Variants in NDUFAF6 observed in about 807,000 individuals in gnomAD.
NDUFAF6 encodes NADH dehydrogenase (ubiquinone) complex I, assembly factor 6.
A neutral mutation model predicts 40.8 loss-of-function variants in NDUFAF6; 45 were observed. The observed-to-expected ratio is 1.10, with a 90% confidence interval of 0.87 to 1.42. NDUFAF6 has a LOEUF of 1.42. Among genes scored for constraint, NDUFAF6 ranks in the 40% most tolerant of loss-of-function variants. The pLI is 0.00. For missense variants in NDUFAF6, 435 were observed against 418.5 expected, an observed-to-expected ratio of 1.04 and a Z score of -0.34; for synonymous variants, 185 against 155.9, an observed-to-expected ratio of 1.19 and a Z score of -1.39.
intron 2 of NDUFAF6, among the ~76,000 whole-genome samples, chr8:94,987,004 T>C (rs1825944192): frequency 6.6e-6 from 1 of 152,206 alleles, no homozygotes; most frequent in South Asian, 2.1e-4. Context: ...TAGATGATGC[T>C]AACATTGGTG....
chr8:94,958,499 C>A (rs1443058831), intron 1 of NDUFAF6, among the ~76,000 whole-genome samples: 1 of 146,856 alleles, frequency 6.8e-6, no homozygotes, highest in Non-Finnish European at 1.5e-5. Flanking sequence ...TCTCAAAGCC[C>A]TATCTCCACA....
chr8:95,068,832 G>A (rs1443832883), intron 9 of NDUFAF6: 1 of 151,698 alleles, frequency 6.6e-6, no homozygotes, highest in Non-Finnish European at 1.5e-5. Flanking sequence ...TGTGCAAATG[G>A]GGTTCCACTC....
chr8:95,038,542 C>A (rs1400092375), intron 3 of NDUFAF6, among the ~76,000 whole-genome samples: 1 of 151,898 alleles, frequency 6.6e-6, no homozygotes, highest in African/African-American at 2.4e-5. Context: ...CAGGTGAGGT[C>A]TCACTTTGTT....
chr8:95,030,854 GCTT>G (rs1242211101), intron 1 of NDUFAF6, among the ~76,000 whole-genome samples: 2 of 152,222 alleles, frequency 1.3e-5, no homozygotes, highest in African/African-American at 2.4e-5. Flanking sequence ...TATCTGCTCA[GCTT>G]CTGGCAAGGC....
At chr8:94,927,250 A>C (rs1334382732) in intron 1 of NDUFAF6, 1 of 152,632 alleles carries the variant, frequency 6.6e-6, no homozygotes, top group Non-Finnish European at 1.5e-5. Context: ...TTTTCTTAAG[A>C]GTACATAAAG....
At chr8:95,034,064 C>T (rs1396013571) in intron 2 of NDUFAF6, 1 of 457,794 alleles carries the variant, frequency 2.2e-6, no homozygotes, top group Admixed American at 2.3e-5. Context: ...GAACACTAAA[C>T]ATTGCTAAGA....
At chr8:94,916,808 C>T (rs1287421707) in intron 1 of NDUFAF6, among the ~76,000 whole-genome samples, 1 of 93,214 alleles carries the variant, frequency 1.1e-5, no homozygotes, top group Non-Finnish European at 2.1e-5. Context: ...CAGAGTGAGA[C>T]TCCATATCAA....
At chr8:94,949,093 GC>G (rs1313601052) in intron 2 of NDUFAF6, 1 of 148,118 alleles carries the variant, frequency 6.8e-6, no homozygotes, top group Non-Finnish European at 1.5e-5. Context: ...CAGCGCTGCG[GC>G]CCCAACCGGC....
At chr8:95,102,584 T>C (rs952122384) in intron 2 of NDUFAF6, among the ~76,000 whole-genome samples, 2 of 152,156 alleles carry the variant, frequency 1.3e-5, no homozygotes, top group Non-Finnish European at 2.9e-5. Flanking sequence ...ATCTATTCCC[T>C]GGAACTTGCT....
intron 1 of NDUFAF6, among the ~76,000 whole-genome samples, chr8:94,925,549 CTTTTTTTTTT>C: frequency 7.4e-6 from 1 of 135,434 alleles, no homozygotes; most frequent in South Asian, 2.3e-4. Context: ...AAAAGAAATC[CTTTTTTTTTT>C]TTTTTTTTTG....
chr8:94,896,907 G>T (rs1361794163), intron 1 of NDUFAF6, among the ~76,000 whole-genome samples: 1 of 152,202 alleles, frequency 6.6e-6, no homozygotes, highest in Non-Finnish European at 1.5e-5. Context: ...TTTGCCCAAG[G>T]TGACAGCATC....
At chr8:95,117,725 G>A (rs921378996), downstream of NDUFAF6, among the ~76,000 whole-genome samples, 11 of 152,024 alleles carry the variant, frequency 7.2e-5, no homozygotes, top group African/African-American at 2.4e-4. Context: ...TGTCTCTTCC[G>A]GGCCAAGGCA....
chr8:95,078,822 T>C (rs531481365), downstream of NDUFAF6, among the ~76,000 whole-genome samples: 2 of 152,220 alleles, frequency 1.3e-5, no homozygotes, highest in Admixed American at 6.5e-5. Flanking sequence ...CTTCTCAACC[T>C]GGTTTCTTTC....
chr8:95,020,130 T>C (rs1042151160), upstream of NDUFAF6, among the ~76,000 whole-genome samples: 1 of 151,842 alleles, frequency 6.6e-6, no homozygotes, highest in African/African-American at 2.4e-5. Flanking sequence ...ACCCGGGAGG[T>C]GGAAGTTGCA....
intron 6 of NDUFAF6, among the ~76,000 whole-genome samples, chr8:95,047,824 A>C (rs954949031): frequency 6.6e-6 from 1 of 151,912 alleles, no homozygotes. Context: ...TTTGTTTTCT[A>C]TATGAGATTC....
At position 95,041,576 on chromosome 8, in the gene NDUFAF6, A is replaced by G. The variant is rs577894329; in HGVS notation, c.427A>G (p.Lys143Glu). ...PVAIELWKAV[K>E]RHNLTKRWLM... Reference sequence around the variant, plus strand: ...AATGCTCTTTGTTTTTTAGGCTGTTAAAAGACATAATCTGACTAAAAGATG... The same window carrying G: ...AATGCTCTTTGTTTTTTAGGCTGTTGAAAGACATAATCTGACTAAAAGATG... The change falls in exon 4 of 9, where the codon AAA becomes GAA. Residue 143 changes from lysine (K) to glutamate (E), a missense_variant. Lys to Glu is a moderately conservative substitution (Grantham distance 56). Transcript: ENST00000396124. The G allele has an allele frequency of 1.9e-6, 3 of 1,608,834 alleles. No homozygotes were observed. Among genetic ancestry groups the G allele is most frequent in the South Asian group, 2.2e-5 (2 of 90,970 alleles).
intron 2 of NDUFAF6, among the ~76,000 whole-genome samples, chr8:95,009,676 G>A (rs147940907): frequency 8.5e-5 from 13 of 152,294 alleles, no homozygotes; most frequent in African/African-American, 3.1e-4. Context: ...TGAAGGTTAA[G>A]CAGTCTGGAT....
chr8:94,962,435 G>A (rs989424439), intron 1 of NDUFAF6, among the ~76,000 whole-genome samples: 1 of 152,148 alleles, frequency 6.6e-6, no homozygotes, highest in East Asian at 1.9e-4. Context: ...TAGGATTACA[G>A]GCATGTGCCA....
At chr8:95,030,993 T>G (rs75135023) in intron 1 of NDUFAF6, among the ~76,000 whole-genome samples, 1,845 of 152,300 alleles carry the variant, frequency 0.012, 44 homozygotes, top group African/African-American at 0.041. Flanking sequence ...TAGCGTGAAC[T>G]AATACACTCA....
Sources: gnomAD v4.1 joint callset for allele counts (sites outside exome capture counted in the v4.1 genomes callset) on GRCh38, gnomAD v4.1.1 for gene constraint, MANE v1.5 for transcripts, NCBI Gene and HGNC (gene_info 2026-07-23, HGNC 2026-07-21) for gene names.